Variants in AGTPBP1 observed in about 807,000 individuals in gnomAD.
AGTPBP1 encodes the protein ATP/GTP binding carboxypeptidase 1.
AGTPBP1 carries 70 observed loss-of-function variants against 143.9 expected under a neutral mutation model. That is an observed-to-expected ratio of 0.49 (90% CI 0.40 to 0.59). The LOEUF (loss-of-function observed/expected upper bound fraction) is 0.59. Among genes scored for constraint, AGTPBP1 ranks in the 20% least tolerant of loss-of-function variants. The probability of loss-of-function intolerance (pLI) is 0.00; values close to 1 mark genes in which losing one functional copy is unlikely to be tolerated. For missense variants in AGTPBP1, 1,229 were observed against 1,464.5 expected (o/e 0.84, Z 2.62); for synonymous variants, 463 against 500.2 (o/e 0.93, Z 0.99).
At chr9:85,719,243 A>C (rs1272365044) in intron 1 of AGTPBP1, among the ~76,000 whole-genome samples, 1 of 152,206 alleles carries the variant, frequency 6.6e-6, no homozygotes, top group Non-Finnish European at 1.5e-5. Flanking sequence ...CTGAATCTAT[A>C]AATTACCTTG....
At chr9:85,702,300 T>A (rs1472753459) in intron 2 of AGTPBP1, among the ~76,000 whole-genome samples, 1 of 152,210 alleles carries the variant, frequency 6.6e-6, no homozygotes, top group Admixed American at 6.5e-5. Context: ...ACATCTAACC[T>A]TTTATCTCCA....
chr9:85,675,017 C>T (rs1412562892), intron 6 of AGTPBP1, among the ~76,000 whole-genome samples: 1 of 152,110 alleles, frequency 6.6e-6, no homozygotes, highest in Admixed American at 6.5e-5. Flanking sequence ...CTGCCTCAGC[C>T]TCCTGAGTAG....
chr9:85,754,773 T>C, the AGTPBP1 span, among the ~76,000 whole-genome samples: 2 of 152,230 alleles, frequency 1.3e-5, no homozygotes, highest in African/African-American at 4.8e-5. Flanking sequence ...AATAGTGACA[T>C]GGGTGCATTC....
intron 25 of AGTPBP1, among the ~76,000 whole-genome samples, chr9:85,558,413 C>T (rs1018152160): frequency 8.5e-5 from 13 of 152,160 alleles, no homozygotes; most frequent in Admixed American, 7.2e-4. Context: ...GATGGCTGCA[C>T]ACCATTGTCA....
chr9:85,750,565 G>C, the AGTPBP1 span, among the ~76,000 whole-genome samples: 68,829 of 152,036 alleles, frequency 0.45, 18,737 homozygotes, highest in Non-Finnish European at 0.63. Context: ...GAATAAGAAT[G>C]CTCAGTCTCT....
Position 85,639,739 on chromosome 9 carries a change from A to T in AGTPBP1, c.1302+3088T>A, listed in dbSNP as rs923412275. Among the ~76,000 whole-genome samples, 3 of 152,350 alleles carry T rather than the reference A, an allele frequency of 2.0e-5. No homozygotes were observed. In the South Asian group the frequency reaches 6.2e-4, roughly 32 times the overall value. ...CCATCATGCTACCACAGACATATGA[A>T]TAAAAGAACTGTGAAAATGCAGAAT... is the stretch of plus-strand genomic sequence containing the variant. On this transcript the variant is annotated intron_variant, in intron 13 of 25. Coordinates refer to ENST00000357081, the MANE Select transcript of AGTPBP1 (RefSeq NM_001330701.2).
At chr9:85,692,543 G>A in intron 3 of AGTPBP1, 146 bp downstream of exon 3, 1 of 923,930 alleles carries the variant, frequency 1.1e-6, no homozygotes, top group Admixed American at 2.9e-5. Flanking sequence ...CAAAGTGCTG[G>A]GATTACAGGT....
chr9:85,688,858 A>T (rs889569272), intron 3 of AGTPBP1, among the ~76,000 whole-genome samples: 1 of 152,240 alleles, frequency 6.6e-6, no homozygotes, highest in Non-Finnish European at 1.5e-5. Context: ...AAACAAAATT[A>T]GCTTACCTTA....
In AGTPBP1 at chr9:85,632,985, G is replaced by T; in HGVS notation, c.1692C>A (p.Val564=). ...GTGGACATGCTTTAGCACAGGTAAG[G>T]ACAGTAAGAGGAAGACTGCAGTCCT... is the stretch of plus-strand genomic sequence containing the variant. ...MKKDCSLPLT[V]LTCAKACPHM... The change falls in exon 14 of 26, where the codon GTC becomes GTA. Residue 564 remains valine (V), a synonymous_variant. Coordinates refer to ENST00000357081, the MANE Select transcript of AGTPBP1 (RefSeq NM_001330701.2). 6.2e-7 allele frequency: 1 copy of T among 1,614,132 alleles called. No homozygotes were observed. Among genetic ancestry groups the T allele is most frequent in the Non-Finnish European group, 8.5e-7 (1 of 1,180,020 alleles).
chr9:85,774,172 A>G, the AGTPBP1 span: 2 of 668,988 alleles, frequency 3.0e-6, no homozygotes, highest in Non-Finnish European at 5.3e-6. Flanking sequence ...TGGGCTTTAC[A>G]TGTTTTGGTT....
intron 22 of AGTPBP1, among the ~76,000 whole-genome samples, 161 bp from the exon 23 acceptor site, chr9:85,585,755 A>G (rs963214759): frequency 6.6e-6 from 1 of 152,228 alleles, no homozygotes; most frequent in African/African-American, 2.4e-5. Context: ...AAGTAATAAT[A>G]ACTAATTTGG....
At chr9:85,761,480 ACT>A in the AGTPBP1 span, among the ~76,000 whole-genome samples, 2 of 152,036 alleles carry the variant, frequency 1.3e-5, no homozygotes, top group African/African-American at 4.8e-5. Flanking sequence ...CACATCTACA[ACT>A]CTCTGATCTT....
intron 14 of AGTPBP1, among the ~76,000 whole-genome samples, chr9:85,627,788 G>T (rs1169685141): frequency 6.6e-6 from 1 of 152,128 alleles, no homozygotes; most frequent in Admixed American, 6.5e-5. Context: ...CATATTTTCT[G>T]TTCCTTATGA....
In AGTPBP1 at chr9:85,653,361, T is replaced by C. The variant is rs1833291284; in HGVS notation, c.1087+1782A>G. On this transcript the variant is annotated intron_variant, in intron 11 of 25. Transcript: ENST00000357081. Reference sequence around the variant, plus strand: ...GCTTGTCAGTCAATGTAAATATGCATTTCTAGTCCAGTGACTCATTGGTCT... The same window carrying C: ...GCTTGTCAGTCAATGTAAATATGCACTTCTAGTCCAGTGACTCATTGGTCT... Among the ~76,000 whole-genome samples the C allele has an allele frequency of 3.9e-5, 6 of 152,316 alleles. No individual in the cohort carries two copies. In the South Asian group the frequency reaches 1.2e-3, roughly 32 times the overall value.
chr9:85,669,727 G>C (rs1834364410), intron 7 of AGTPBP1, 149 bp from the exon 8 acceptor site: 2 of 405,714 alleles, frequency 4.9e-6, no homozygotes, highest in Admixed American at 8.7e-5. Context: ...CTAACCACAT[G>C]AAGAAATAGT....
the AGTPBP1 span, among the ~76,000 whole-genome samples, chr9:85,766,111 T>C: frequency 2.1e-5 from 3 of 143,020 alleles, no homozygotes; most frequent in Admixed American, 7.2e-5. Flanking sequence ...CTAAGCTCTA[T>C]AGAAGATAGA....
chr9:85,695,975 G>C (rs763682900), intron 2 of AGTPBP1, among the ~76,000 whole-genome samples: 9 of 152,044 alleles, frequency 5.9e-5, no homozygotes, highest in Non-Finnish European at 1.0e-4. Context: ...CCAAGTAGCT[G>C]GGATTACAGG....
intron 1 of AGTPBP1, among the ~76,000 whole-genome samples, chr9:85,731,330 T>TA (rs1838863927): frequency 6.6e-6 from 1 of 152,150 alleles, no homozygotes; most frequent in South Asian, 2.1e-4. Flanking sequence ...TAACAAGTGT[T>TA]AGCAAGGATG....
chr9:85,589,425 T>C (rs1828816330), intron 20 of AGTPBP1, 103 bp downstream of exon 20: 1 of 1,425,108 alleles, frequency 7.0e-7, no homozygotes, highest in Non-Finnish European at 9.4e-7. Flanking sequence ...AGCCCAAGTC[T>C]TCTGATGTCT....
Sources: allele counts gnomAD v4.1 joint callset (sites outside exome capture counted in the v4.1 genomes callset), GRCh38; gene constraint gnomAD v4.1.1; transcripts MANE v1.5; gene names NCBI Gene and HGNC (gene_info 2026-07-23, HGNC 2026-07-21).